The following ARL10 variants were observed in gnomAD, a reference collection of about 807,000 sequenced individuals.
ARL10 encodes ARF like GTPase 10, also known as ADP-ribosylation factor-like protein 10.
ARL10 carries 23 observed loss-of-function variants against 26.1 expected under a neutral mutation model. That is an observed-to-expected ratio of 0.88 (90% CI 0.63 to 1.25). The LOEUF (loss-of-function observed/expected upper bound fraction) is 1.25, where lower values mean the gene tolerates loss of function less well. ARL10 is among the 50% of genes most tolerant of loss of function. The pLI, the probability that ARL10 is intolerant of heterozygous loss-of-function variation, is 0.00. For synonymous variants in ARL10, 138 were observed against 149.1 expected (o/e 0.93, Z 0.54); for missense variants, 300 against 323.6 (o/e 0.93, Z 0.56).
intron 1 of ARL10, chr5:176,398,043 G>GC: frequency 6.2e-7 from 1 of 1,613,744 alleles, no homozygotes; most frequent in Non-Finnish European, 8.5e-7. Context: ...AGGACCGTTG[G>GC]CCTCCTAGAA....
intron 1 of ARL10, among the ~76,000 whole-genome samples, chr5:176,399,997 G>A (rs1756735133): frequency 6.6e-6 from 1 of 152,076 alleles, no homozygotes; most frequent in Admixed American, 6.6e-5. Context: ...TTCGAGACCA[G>A]CCTGACCAAC....
At chr5:176,384,681 G>A (rs1370172575), downstream of ARL10, 8 of 421,094 alleles carry the variant, frequency 1.9e-5, no homozygotes, top group Admixed American at 4.1e-5. Flanking sequence ...GAGGCAGGAG[G>A]ACTGTTTCAG....
downstream of ARL10, among the ~76,000 whole-genome samples, chr5:176,403,198 T>C (rs1756914718): frequency 6.6e-6 from 1 of 151,580 alleles, no homozygotes; most frequent in African/African-American, 2.4e-5. Flanking sequence ...TACAGGCATC[T>C]GCCACCACAC....
chr5:176,394,398 G>T (rs528480357), intron 1 of ARL10, among the ~76,000 whole-genome samples: 22 of 152,262 alleles, frequency 1.4e-4, no homozygotes, highest in African/African-American at 5.3e-4. Context: ...GAGCCTGGGC[G>T]CAGTGGCTCA....
chr5:176,367,821 C>CT, intron 2 of ARL10: 1 of 499,164 alleles, frequency 2.0e-6, no homozygotes, highest in South Asian at 1.5e-5. Flanking sequence ...GCCACTTTCC[C>CT]TTTTTTCTGT....
downstream of ARL10, chr5:176,383,866 C>T (rs1042135701): frequency 2.8e-6 from 3 of 1,081,556 alleles, no homozygotes; most frequent in East Asian, 2.6e-5. Context: ...GATGGCCTCT[C>T]AGCCCCGGTA....
intron 1 of ARL10, chr5:176,401,640 G>T: frequency 2.3e-6 from 1 of 439,342 alleles, no homozygotes; most frequent in Non-Finnish European, 4.6e-6. Flanking sequence ...TATCAGAAAG[G>T]GCAGTGGGGG....
At chr5:176,371,397 T>C (rs970779859) in intron 3 of ARL10, among the ~76,000 whole-genome samples, 1 of 152,180 alleles carries the variant, frequency 6.6e-6, no homozygotes, top group Non-Finnish European at 1.5e-5. Context: ...CAGTGGCTAA[T>C]GATGCAATGA....
In ARL10 at chr5:176,365,538, C is replaced by G. The variant is rs982884993; in HGVS notation, c.-26C>G. 3 of 1,223,942 alleles carry G rather than the reference C, an allele frequency of 2.5e-6. No homozygotes were observed. Among genetic ancestry groups the G allele is most frequent in the African/African-American group, 1.6e-5 (1 of 63,874 alleles). 75.8% of individuals were successfully genotyped at this position (1,223,942 alleles called of 1,614,324 possible). ...GCGAGTGGGCTCGGCCTGTGCAACC[C>G]GCACCTGCGTCCCTCGCCCGGCCCG... On this transcript the variant is annotated 5_prime_UTR_variant, in exon 1 of 4. Coordinates refer to ENST00000310389, the MANE Select transcript of ARL10 (RefSeq NM_173664.6).
chr5:176,409,430 T>C, the ARL10 span, among the ~76,000 whole-genome samples: 21 of 113,720 alleles, frequency 1.8e-4, no homozygotes, highest in African/African-American at 3.5e-4. Flanking sequence ...TTTTTTTTTT[T>C]CAGACAGAGT....
At chr5:176,367,260 C>T (rs893059389) in intron 2 of ARL10, among the ~76,000 whole-genome samples, 1 of 151,968 alleles carries the variant, frequency 6.6e-6, no homozygotes, top group Non-Finnish European at 1.5e-5. Flanking sequence ...CTGCCCGCTT[C>T]GACCTCCCAA....
chr5:176,370,375 A>G (rs1310113790), intron 3 of ARL10, among the ~76,000 whole-genome samples: 2 of 152,128 alleles, frequency 1.3e-5, no homozygotes, highest in Admixed American at 6.5e-5. Flanking sequence ...CATTCTCAAT[A>G]TCAGGTGAAA....
chr5:176,389,002 G>C, downstream of ARL10: 1 of 1,612,686 alleles, frequency 6.2e-7, no homozygotes. Flanking sequence ...AACTGCACAA[G>C]GAGAGGACAG....
chr5:176,372,903 T>A lies in ARL10; in HGVS notation c.*1008T>A. The A allele has an allele frequency of 2.5e-6, 1 of 398,600 alleles. No individual in the cohort carries two copies. The highest frequency in any genetic ancestry group is 4.4e-6 in the Non-Finnish European group (1 of 226,062). 24.7% of individuals were successfully genotyped at this position (398,600 alleles called of 1,614,324 possible). The stretch of plus-strand genomic sequence containing the variant: ...ATAGAAAATTTGGAACTTAGGAAAA[T>A]AGCTGGAATCATGAATGACAATGAG... On this transcript the variant is annotated 3_prime_UTR_variant, in exon 4 of 4. Coordinates refer to ENST00000310389, the MANE Select transcript of ARL10 (RefSeq NM_173664.6).
chr5:176,393,083 G>A (rs537063143), downstream of ARL10: 2 of 929,088 alleles, frequency 2.2e-6, no homozygotes, highest in South Asian at 3.0e-5. This position sits in a 1 kb window ranked among gnomAD's most constrained non-coding sequence, Gnocchi z 4.4. Flanking sequence ...TCAGAGGAGG[G>A]CAGCCTTGGC....
intron 1 of ARL10, chr5:176,397,488 C>A (rs1756590292): frequency 1.7e-6 from 1 of 603,058 alleles, no homozygotes; most frequent in African/African-American, 2.1e-5. Flanking sequence ...CCCCACAGCT[C>A]CCTCATGTCC....
rs920193125 is a variant in ARL10 at position 176,367,064 on chromosome 5, A to G, written c.385+483A>G. Among the ~76,000 whole-genome samples, 11 of 144,714 alleles carry G rather than the reference A, an allele frequency of 7.6e-5. No individual in the cohort carries two copies. In the Admixed American group the frequency reaches 7.7e-4, roughly 10 times the overall value. The allele number at this position is 144,714 out of a possible 152,430, so 94.9% of individuals were successfully genotyped here. A position where few individuals can be genotyped will look rare whatever the true frequency, so the allele number is the denominator to read the frequency against. Reference sequence around the variant, plus strand: ...ACTGTGACACCCAGGCTGGAGTGCAATGGCGCTGTCTCGGCTCACTGCAAC... The same window carrying G: ...ACTGTGACACCCAGGCTGGAGTGCAGTGGCGCTGTCTCGGCTCACTGCAAC... On this transcript the variant is annotated intron_variant, in intron 2 of 3. Coordinates refer to ENST00000310389, the MANE Select transcript of ARL10 (RefSeq NM_173664.6).
downstream of ARL10, among the ~76,000 whole-genome samples, chr5:176,404,959 C>T (rs893027996): frequency 6.6e-6 from 1 of 152,200 alleles, no homozygotes; most frequent in Non-Finnish European, 1.5e-5. Context: ...AGTTTTACCT[C>T]TTACTAGCTA....
rs1561775896 is a variant in ARL10, at chr5:176,375,227, T to TCCAC, written c.*3335_*3336insCCCA. On this transcript the variant is annotated 3_prime_UTR_variant, in exon 4 of 4. Transcript: ENST00000310389. ...ATCCACTCATCCACCCATCCACCCATCCATCCATCCATCCATCCATCCTTC... is the reference window on the plus strand; with the variant it reads ...ATCCACTCATCCACCCATCCACCCATCCACCCATCCATCCATCCATCCATCCTTC... 7.3e-5 allele frequency: 8 copies of TCCAC among 109,710 alleles called. No homozygotes were observed. Among genetic ancestry groups the TCCAC allele is most frequent in the Admixed American group, 1.0e-4 (1 of 9,994 alleles). 6.8% of individuals were successfully genotyped at this position (109,710 alleles called of 1,614,324 possible).
Sources: gnomAD v4.1 joint callset for allele counts (sites outside exome capture counted in the v4.1 genomes callset) on GRCh38, gnomAD v4.1.1 for gene constraint, Gnocchi (gnomAD v3.1) non-coding constraint, MANE v1.5 for transcripts, NCBI Gene and HGNC (gene_info 2026-07-23, HGNC 2026-07-21) for gene names.